PPP1R1C: variants seen among roughly 807,000 people sequenced by gnomAD.
PPP1R1C encodes protein phosphatase 1 regulatory inhibitor subunit 1C.
PPP1R1C carries 15 observed loss-of-function variants against 17.4 expected under a neutral mutation model. The ratio of observed to expected loss-of-function variants is 0.86; its 90% CI spans 0.58 to 1.33. The LOEUF (loss-of-function observed/expected upper bound fraction) is 1.33, where lower values mean the gene tolerates loss of function less well. PPP1R1C is among the 40% of genes most tolerant of loss of function. The pLI is 0.00. For missense variants in PPP1R1C, 143 were observed against 130.0 expected, an observed-to-expected ratio of 1.10 and a Z score of -0.48; for synonymous variants, 35 against 43.1, an observed-to-expected ratio of 0.81 and a Z score of 0.73.
chr2:182,093,157 T>C (rs1268120617), intron 4 of PPP1R1C, among the ~76,000 whole-genome samples: 1 of 152,130 alleles, frequency 6.6e-6, no homozygotes, highest in African/African-American at 2.4e-5. Flanking sequence ...AAACCACAAT[T>C]CTTGACTTCT....
chr2:181,983,775 G>A (rs1406997569), upstream of PPP1R1C, among the ~76,000 whole-genome samples: 1 of 152,120 alleles, frequency 6.6e-6, no homozygotes, highest in African/African-American at 2.4e-5. Context: ...ATAGAGTTAT[G>A]CTTCATTCTT....
chr2:182,025,078 C>T (rs1236009223), intron 2 of PPP1R1C, among the ~76,000 whole-genome samples: 1 of 148,346 alleles, frequency 6.7e-6, no homozygotes. Flanking sequence ...TAAATTTGTG[C>T]AAAAAATAAA....
At chr2:181,969,738 T>A (rs1040327140) in intron 1 of PPP1R1C, among the ~76,000 whole-genome samples, 1 of 152,224 alleles carries the variant, frequency 6.6e-6, no homozygotes, top group Non-Finnish European at 1.5e-5. Flanking sequence ...CCAAAAACTC[T>A]TAGATTTACT....
chr2:182,117,280 G>A lies in PPP1R1C; in HGVS notation c.315G>A (p.Glu105=). The change falls in exon 5 of 5, where the codon GAG becomes GAA. Residue 105 remains glutamate (E), a synonymous_variant. Coordinates refer to ENST00000682840, the MANE Select transcript of PPP1R1C (RefSeq NM_001080545.3). ...EEEEGTNERE[E]QRDH ...AAGAAGGCACCAATGAAAGAGAGGA[G>A]CAGCGGGACCATTAATTACTGGTCT... The A allele has an allele frequency of 6.4e-7, 1 of 1,559,076 alleles. No homozygotes were observed. The highest frequency in any genetic ancestry group is 1.2e-5 in the South Asian group (1 of 84,214).
rs1347648768 is a variant in PPP1R1C at position 181,961,765 on chromosome 2, G to C, written n.111+7131G>C. On this transcript the variant is annotated intron_variant and non_coding_transcript_variant, in intron 1 of 5. Transcript: ENST00000464264. The surrounding 1 kb of genome is among the most constrained non-coding windows in gnomAD (Gnocchi z 5.8). ...CTTGGCAAGGTCCTGAGATTTGGGG[G>C]CATCTACCTCCACGGTCAACTCAGA... 7 of 1,267,132 alleles carry C rather than the reference G, an allele frequency of 5.5e-6. No individual in the cohort carries two copies. Among genetic ancestry groups the C allele is most frequent in the Non-Finnish European group, 8.0e-6 (7 of 877,312 alleles). The allele number at this position is 1,267,132 out of a possible 1,614,324, so 78.5% of individuals were successfully genotyped here. A position where few individuals can be genotyped will look rare whatever the true frequency, so the allele number is the denominator to read the frequency against.
chr2:182,112,081 C>T (rs1277466058), intron 4 of PPP1R1C, among the ~76,000 whole-genome samples: 1 of 152,176 alleles, frequency 6.6e-6, no homozygotes, highest in Non-Finnish European at 1.5e-5. Flanking sequence ...AGCGCTTCTT[C>T]ACTGAATTAG....
intron 2 of PPP1R1C, among the ~76,000 whole-genome samples, chr2:182,014,838 C>T (rs1035741152): frequency 1.3e-5 from 2 of 151,800 alleles, no homozygotes; most frequent in Non-Finnish European, 2.9e-5. Context: ...TCCCCAGGTC[C>T]ATGGTGAGTA....
At chr2:181,955,582 A>T (rs1574336637) in intron 1 of PPP1R1C, among the ~76,000 whole-genome samples, 1 of 152,350 alleles carries the variant, frequency 6.6e-6, no homozygotes, top group East Asian at 1.9e-4. Context: ...ATATGTGGTA[A>T]TTCAAAGAGA....
chr2:182,120,700 T>A (rs1055667826), downstream of PPP1R1C, among the ~76,000 whole-genome samples: 93 of 152,310 alleles, frequency 6.1e-4, no homozygotes, highest in African/African-American at 2.1e-3. Flanking sequence ...AACATTGCCC[T>A]TCCCTTTCCT....
rs71008205 is a variant in PPP1R1C at position 182,021,321 on chromosome 2, C to CT, written c.142+33449dup. On this transcript the variant is annotated intron_variant, in intron 2 of 4. Coordinates refer to ENST00000682840, the MANE Select transcript of PPP1R1C (RefSeq NM_001080545.3). Reference sequence around the variant, plus strand: ...TTATGGTTATTCTTTCTCTCTCTCTCTTTTTTTTTTTTTTTTTTTTTTTTT... The same window carrying CT: ...TTATGGTTATTCTTTCTCTCTCTCTCTTTTTTTTTTTTTTTTTTTTTTTTTT... 4.3e-3 allele frequency among the ~76,000 whole-genome samples: 386 copies of CT among 89,586 alleles called. 5 individuals are homozygous for CT. The highest frequency in any genetic ancestry group is 0.012 in the African/African-American group (309 of 24,810). The allele number at this position is 89,586 out of a possible 152,430, so 58.8% of individuals were successfully genotyped here.
intron 2 of PPP1R1C, among the ~76,000 whole-genome samples, chr2:182,042,601 G>A (rs892785457): frequency 6.6e-6 from 1 of 152,146 alleles, no homozygotes; most frequent in Non-Finnish European, 1.5e-5. Flanking sequence ...ATTCTTCTAG[G>A]GTCAGAGAAT....
At chr2:182,018,607 A>G (rs953907612) in intron 2 of PPP1R1C, among the ~76,000 whole-genome samples, 8 of 152,196 alleles carry the variant, frequency 5.3e-5, no homozygotes, top group Admixed American at 1.3e-4. Context: ...TTCAGGATGA[A>G]TAATTCTGAA....
chr2:182,089,499 A>G (rs1688721768), intron 4 of PPP1R1C, among the ~76,000 whole-genome samples: 1 of 152,188 alleles, frequency 6.6e-6, no homozygotes, highest in Non-Finnish European at 1.5e-5. Flanking sequence ...GATTTTTCTA[A>G]CTTTGAGTTA....
intron 2 of PPP1R1C, among the ~76,000 whole-genome samples, chr2:182,024,980 A>G (rs1043101775): frequency 6.7e-6 from 1 of 149,570 alleles, no homozygotes; most frequent in East Asian, 1.9e-4. Flanking sequence ...GGTACAATGT[A>G]TGTTATTTGG....
Position 182,117,314 on chromosome 2 carries a change from A to G in PPP1R1C, c.*19A>G, listed in dbSNP as rs1258064739. 1 of 1,508,652 alleles carries G rather than the reference A, an allele frequency of 6.6e-7. No homozygotes were observed. The highest frequency in any genetic ancestry group is 2.5e-5 in the East Asian group (1 of 40,816). 93.5% of individuals were successfully genotyped at this position (1,508,652 alleles called of 1,614,324 possible). A position where few individuals can be genotyped will look rare whatever the true frequency, so the allele number is the denominator to read the frequency against. On this transcript the variant is annotated 3_prime_UTR_variant, in exon 5 of 5. Coordinates refer to ENST00000682840, the MANE Select transcript of PPP1R1C (RefSeq NM_001080545.3). The stretch of plus-strand genomic sequence containing the variant: ...CCATTAATTACTGGTCTGCAGCAAG[A>G]AGGCTTCTTGGAAATAACTGAACTA...
intron 2 of PPP1R1C, among the ~76,000 whole-genome samples, chr2:182,042,471 T>A (rs1332466238): frequency 6.6e-6 from 1 of 152,144 alleles, no homozygotes; most frequent in Non-Finnish European, 1.5e-5. Flanking sequence ...CTAAGATGCA[T>A]CTAGCCTACC....
rs532826008 is a variant in PPP1R1C, at chr2:182,076,252, G to A, written c.241+12461G>A. ...TTTTTTTTTTTTGAGACGGAGTCTC[G>A]CTTTGTCTCCTGGCTCACTGCAAGC... On this transcript the variant is annotated intron_variant, in intron 4 of 4. Transcript: ENST00000682840. Among the ~76,000 whole-genome samples, 86 of 67,606 alleles carry A rather than the reference G, an allele frequency of 1.3e-3. No homozygotes were observed. The East Asian group carries it at 0.013, about 11-fold the overall frequency. The allele number at this position is 67,606 out of a possible 152,430, so 44.4% of individuals were successfully genotyped here.
chr2:181,974,097 G>A (rs558218467), intron 1 of PPP1R1C, among the ~76,000 whole-genome samples: 1 of 152,072 alleles, frequency 6.6e-6, no homozygotes, highest in South Asian at 2.1e-4. Flanking sequence ...CTACCTTGGA[G>A]TATTTATAAG....
At chr2:181,955,755 T>C (rs896537354) in intron 1 of PPP1R1C, among the ~76,000 whole-genome samples, 8 of 152,238 alleles carry the variant, frequency 5.3e-5, no homozygotes, top group African/African-American at 1.9e-4. Context: ...ATAACACTTT[T>C]CTTGATTATT....
Sources: allele counts gnomAD v4.1 joint callset (sites outside exome capture counted in the v4.1 genomes callset), GRCh38; gene constraint gnomAD v4.1.1; non-coding constraint Gnocchi (gnomAD v3.1); transcripts MANE v1.5; gene names NCBI Gene and HGNC (gene_info 2026-07-23, HGNC 2026-07-21).